DPP10: variants seen among roughly 807,000 people sequenced by gnomAD.
The protein encoded by DPP10 is dipeptidyl peptidase like 10, also known as inactive dipeptidyl peptidase 10.
A neutral mutation model predicts 120.9 loss-of-function variants in DPP10; 33 were observed. The observed-to-expected ratio is 0.27, with a 90% CI of 0.21 to 0.37. The LOEUF is 0.37. Among genes scored for constraint, DPP10 ranks in the 10% least tolerant of loss-of-function variants. DPP10 has a pLI of 1.00. For missense variants in DPP10, 816 were observed against 942.8 expected (o/e 0.87, Z 1.76); for synonymous variants, 337 against 326.1 (o/e 1.03, Z -0.36).
chr2:115,491,322 A>T (rs1308378016), intron 3 of DPP10, among the ~76,000 whole-genome samples: 1 of 152,170 alleles, frequency 6.6e-6, no homozygotes, highest in East Asian at 1.9e-4. Context: ...GAGTCTTGCT[A>T]AACTGGTATA....
At chr2:114,895,895 T>G (rs953878108) in intron 1 of DPP10, among the ~76,000 whole-genome samples, 1 of 152,220 alleles carries the variant, frequency 6.6e-6, no homozygotes, top group African/African-American at 2.4e-5. Context: ...CAATCCATCT[T>G]GAATTAATTT....
intron 5 of DPP10, among the ~76,000 whole-genome samples, chr2:115,590,630 G>T (rs372564660): frequency 4.7e-5 from 7 of 147,758 alleles, no homozygotes; most frequent in Non-Finnish European, 1.0e-4. Context: ...ATAAACATAC[G>T]TGTGAATGTG....
chr2:114,647,894 G>A (rs1435874), intron 1 of DPP10, among the ~76,000 whole-genome samples: 48,022 of 151,616 alleles, frequency 0.32, 10,381 homozygotes, highest in African/African-American at 0.61. Context: ...GGGGGGTCCT[G>A]TCTGCTATCT....
chr2:115,177,913 G>C lies in DPP10; in HGVS notation c.61-131326G>C, dbSNP rs1001785030. ...TGAGTACCTGGGACTACAGGTGCCC[G>C]CCACCACGCCCGGCTAACTTTTTGT... is the stretch of plus-strand genomic sequence containing the variant. On this transcript the variant is annotated intron_variant, in intron 1 of 25. Transcript: ENST00000410059. Among the ~76,000 whole-genome samples the C allele has an allele frequency of 1.5e-3, 222 of 152,092 alleles. 2 individuals are homozygous for C. The highest frequency in any genetic ancestry group is 1.7e-3 in the Non-Finnish European group (116 of 67,992).
intron 1 of DPP10, among the ~76,000 whole-genome samples, chr2:115,175,643 T>C (rs2053637457): frequency 6.6e-6 from 1 of 152,246 alleles, no homozygotes; most frequent in African/African-American, 2.4e-5. Flanking sequence ...TATCTTTTAC[T>C]TTCTCACAGA....
At chr2:114,949,169 C>T (rs560338076) in intron 1 of DPP10, among the ~76,000 whole-genome samples, 17 of 152,130 alleles carry the variant, frequency 1.1e-4, no homozygotes, top group Middle Eastern at 3.4e-3. Flanking sequence ...GTGATGCACC[C>T]GCCTCGGCCT....
At chr2:115,098,043 C>T (rs1232351043) in intron 1 of DPP10, among the ~76,000 whole-genome samples, 1 of 152,138 alleles carries the variant, frequency 6.6e-6, no homozygotes, top group Non-Finnish European at 1.5e-5. Context: ...TCACCAGGAG[C>T]TCTGGTGCTG....
At chr2:115,622,844 T>TG (rs1287467176) in intron 5 of DPP10, among the ~76,000 whole-genome samples, 48 of 147,832 alleles carry the variant, frequency 3.2e-4, no homozygotes, top group Non-Finnish European at 5.2e-4. Flanking sequence ...TTTTTTTTTT[T>TG]TTGTTTTTTG....
Position 115,033,893 on chromosome 2 carries a change from C to CTTTTTTTTTTTTT in DPP10, c.61-275335_61-275323dup, listed in dbSNP as rs965717193. On this transcript the variant is annotated intron_variant, in intron 1 of 25. Transcript: ENST00000410059. ...TATCTTTCTTTTTCTTTTTCTTTTTCTTTTTTTTTTTTTTTTTTTTTTTGA... is the reference window on the plus strand; with the variant it reads ...TATCTTTCTTTTTCTTTTTCTTTTTCTTTTTTTTTTTTTTTTTTTTTTTTTTTTTTTTTTTTGA... Among the ~76,000 whole-genome samples, 292 of 89,852 alleles carry CTTTTTTTTTTTTT rather than the reference C, an allele frequency of 3.2e-3. 1 individual carries two copies. The highest frequency in any genetic ancestry group is 0.01 in the Middle Eastern group (1 of 96). The allele number at this position is 89,852 out of a possible 152,430, so 58.9% of individuals were successfully genotyped here.
At chr2:115,299,348 A>G (rs1432100551) in intron 1 of DPP10, among the ~76,000 whole-genome samples, 1 of 152,050 alleles carries the variant, frequency 6.6e-6, no homozygotes, top group Non-Finnish European at 1.5e-5. Context: ...GTGGCTGGCA[A>G]ATAACAAACA....
chr2:114,701,472 C>A (rs967079756), intron 1 of DPP10, among the ~76,000 whole-genome samples: 4 of 152,174 alleles, frequency 2.6e-5, no homozygotes, highest in African/African-American at 9.6e-5. Flanking sequence ...GTGTGCAAGG[C>A]AAAGCGCTAT....
At chr2:114,710,568 A>G (rs555262462) in intron 1 of DPP10, among the ~76,000 whole-genome samples, 1 of 152,212 alleles carries the variant, frequency 6.6e-6, no homozygotes, top group South Asian at 2.1e-4. Flanking sequence ...AACATGGCAA[A>G]ACCCCACCTC....
chr2:114,883,123 A>G (rs1691781540), intron 1 of DPP10, among the ~76,000 whole-genome samples: 1 of 152,236 alleles, frequency 6.6e-6, no homozygotes, highest in South Asian at 2.1e-4. Context: ...ATTAAGACCA[A>G]GCATATCAGT....
At chr2:114,852,892 AC>A (rs1160792571) in intron 1 of DPP10, among the ~76,000 whole-genome samples, 4 of 152,054 alleles carry the variant, frequency 2.6e-5, no homozygotes, top group Non-Finnish European at 5.9e-5. Flanking sequence ...CAAATACGCA[AC>A]TCTTCATACT....
chr2:115,247,818 G>A (rs2058598644), intron 1 of DPP10, among the ~76,000 whole-genome samples: 1 of 152,144 alleles, frequency 6.6e-6, no homozygotes, highest in Non-Finnish European at 1.5e-5. Flanking sequence ...TGAAAGATTA[G>A]CATGCAAAGA....
At chr2:115,067,498 CGCCTCG>C (rs1706976601) in intron 1 of DPP10, among the ~76,000 whole-genome samples, 1 of 150,046 alleles carries the variant, frequency 6.7e-6, no homozygotes. Context: ...GTGATCCCCC[CGCCTCG>C]GCCTCCCAAA....
At chr2:114,813,562 T>C (rs1165125196) in intron 1 of DPP10, among the ~76,000 whole-genome samples, 1 of 152,202 alleles carries the variant, frequency 6.6e-6, no homozygotes, top group Non-Finnish European at 1.5e-5. Context: ...GTATGATCTA[T>C]GTTCTTTGCT....
chr2:114,620,590 A>C (rs1191994102), intron 1 of DPP10, among the ~76,000 whole-genome samples: 1 of 152,090 alleles, frequency 6.6e-6, no homozygotes, highest in Non-Finnish European at 1.5e-5. Context: ...AATTAGCTAG[A>C]AACTCTCTTT....
intron 1 of DPP10, among the ~76,000 whole-genome samples, chr2:114,790,550 C>T (rs1415074772): frequency 2.6e-5 from 4 of 151,986 alleles, no homozygotes; most frequent in Admixed American, 2.0e-4. Flanking sequence ...TGGGTGCAGG[C>T]GGGCTGAGTC....
Sources: gnomAD v4.1 joint callset for allele counts (sites outside exome capture counted in the v4.1 genomes callset) on GRCh38, gnomAD v4.1.1 for gene constraint, MANE v1.5 for transcripts, NCBI Gene and HGNC (gene_info 2026-07-23, HGNC 2026-07-21) for gene names.